The following SORD variants were observed in gnomAD, a reference collection of about 807,000 sequenced individuals.
The protein encoded by SORD is sorbitol dehydrogenase, also known as (R,R)-butanediol dehydrogenase.
SORD carries 18 observed loss-of-function variants against 35.6 expected under a neutral mutation model. The ratio of observed to expected loss-of-function variants is 0.51; its 90% confidence interval spans 0.35 to 0.75. The LOEUF is 0.75. SORD is among the 30% of genes least tolerant of loss of function. SORD has a pLI of 0.01. For missense variants in SORD, 250 were observed against 390.2 expected (o/e 0.64, Z 3.03); for synonymous variants, 106 against 152.9 (o/e 0.69, Z 2.26).
chr15:45,026,957 C>T (rs1386287849), intron 1 of SORD, among the ~76,000 whole-genome samples: 4 of 152,234 alleles, frequency 2.6e-5, no homozygotes, highest in African/African-American at 9.6e-5. Flanking sequence ...CTGCACCATT[C>T]TCTTCTTTCT....
intron 4 of SORD, among the ~76,000 whole-genome samples, chr15:45,061,765 A>C (rs1263476166): frequency 6.6e-6 from 1 of 152,028 alleles, no homozygotes; most frequent in Non-Finnish European, 1.5e-5. Context: ...GCTACTTGGG[A>C]GGCTGAGGCA....
intron 1 of SORD, among the ~76,000 whole-genome samples, chr15:45,037,880 G>A (rs1286872921): frequency 6.6e-6 from 1 of 151,500 alleles, no homozygotes; most frequent in Non-Finnish European, 1.5e-5. Flanking sequence ...GTGACAGGTT[G>A]ATAGGTGCAG....
intron 2 of SORD, among the ~76,000 whole-genome samples, chr15:45,042,057 A>C (rs1892974495): frequency 6.6e-6 from 1 of 152,196 alleles, no homozygotes; most frequent in South Asian, 2.1e-4. Flanking sequence ...TGCAGTGCAT[A>C]GCAGAGATTT....
intron 2 of SORD, among the ~76,000 whole-genome samples, chr15:45,042,777 A>G (rs1892989176): frequency 6.6e-6 from 1 of 151,448 alleles, no homozygotes; most frequent in Non-Finnish European, 1.5e-5. Flanking sequence ...AAACAAAACC[A>G]CTAAGATATA....
intron 1 of SORD, 55 bp downstream of exon 1, chr15:45,023,404 G>A: frequency 7.1e-7 from 1 of 1,414,620 alleles, no homozygotes; most frequent in Non-Finnish European, 9.4e-7. Flanking sequence ...TCTCCTCTGA[G>A]CCCAGCCATA....
chr15:45,053,149 G>A (rs1893156271), intron 3 of SORD, among the ~76,000 whole-genome samples: 1 of 152,116 alleles, frequency 6.6e-6, no homozygotes, highest in South Asian at 2.1e-4. Context: ...CTTGCCTGAG[G>A]TTGCCGCTGA....
Position 45,055,225 on chromosome 15 carries a change from A to T in SORD, c.266-5842A>T, listed in dbSNP as rs1234399116. Among the ~76,000 whole-genome samples the T allele has an allele frequency of 5.9e-5, 9 of 152,310 alleles. No homozygotes were observed. In the South Asian group the frequency reaches 1.5e-3, roughly 25 times the overall value. ...GATGGGGATGGCATTGAATCTATAA[A>T]TTACCTTGGGCAGTGCTAGCAAGAC... On this transcript the variant is annotated intron_variant, in intron 3 of 8. Coordinates refer to ENST00000267814, the MANE Select transcript of SORD (RefSeq NM_003104.6).
intron 1 of SORD, among the ~76,000 whole-genome samples, chr15:45,036,829 C>T: frequency 6.6e-6 from 1 of 152,128 alleles, no homozygotes; most frequent in East Asian, 1.9e-4. Context: ...AGTGAAAGTT[C>T]AGGATCTCAG....
intron 4 of SORD, among the ~76,000 whole-genome samples, chr15:45,061,837 C>T (rs146338560): frequency 5.5e-4 from 84 of 152,084 alleles, no homozygotes; most frequent in African/African-American, 2.0e-3. Context: ...CCACTGCACT[C>T]CAGCCTGGGC....
intron 1 of SORD, among the ~76,000 whole-genome samples, chr15:45,036,523 C>A (rs1892869718): frequency 6.6e-6 from 1 of 152,042 alleles, no homozygotes; most frequent in Non-Finnish European, 1.5e-5. Flanking sequence ...GAAACTCCGT[C>A]TCTACCAAAA....
intron 3 of SORD, among the ~76,000 whole-genome samples, chr15:45,045,494 C>T (rs977666592): frequency 1.0e-4 from 15 of 146,688 alleles, no homozygotes; most frequent in Admixed American, 2.7e-4. Flanking sequence ...GATTGTGCCA[C>T]TGCATGCCAG....
chr15:45,069,327 G>A (rs1440350797), intron 7 of SORD, among the ~76,000 whole-genome samples: 6 of 148,264 alleles, frequency 4.0e-5, no homozygotes, highest in Non-Finnish European at 7.4e-5. Flanking sequence ...CTGCCTCAGC[G>A]TCCCGAGTAG....
chr15:45,029,899 G>C (rs1892746420), intron 1 of SORD, among the ~76,000 whole-genome samples: 1 of 152,244 alleles, frequency 6.6e-6, no homozygotes, highest in African/African-American at 2.4e-5. Context: ...ACTGAGTCTG[G>C]GATCTTTATA....
At chr15:45,066,398 A>G (rs1893405362) in intron 5 of SORD, among the ~76,000 whole-genome samples, 1 of 151,644 alleles carries the variant, frequency 6.6e-6, no homozygotes, top group African/African-American at 2.4e-5. Context: ...TGCAACCTCC[A>G]CCTTAGAGAA....
chr15:45,037,324 T>C (rs1248982898), intron 1 of SORD, among the ~76,000 whole-genome samples: 29 of 152,358 alleles, frequency 1.9e-4, no homozygotes, highest in African/African-American at 2.9e-4. Flanking sequence ...TTAACTTGAA[T>C]AAATATTTAC....
intron 1 of SORD, among the ~76,000 whole-genome samples, chr15:45,027,815 T>C (rs578248397): frequency 6.6e-6 from 1 of 152,126 alleles, no homozygotes; most frequent in East Asian, 1.9e-4. Flanking sequence ...GTGGTGGGGG[T>C]GGTGGGAAGC....
intron 3 of SORD, among the ~76,000 whole-genome samples, chr15:45,054,957 G>C (rs1353085090): frequency 6.6e-6 from 1 of 152,110 alleles, no homozygotes; most frequent in African/African-American, 2.4e-5. Context: ...GATAGTTGTA[G>C]ATATGTGGCA....
At chr15:45,029,678 T>A (rs73421330) in intron 1 of SORD, among the ~76,000 whole-genome samples, 31,458 of 151,102 alleles carry the variant, frequency 0.21, 54 homozygotes, top group African/African-American at 0.45. Context: ...TCTGGGTACC[T>A]GTACTTGGTG....
chr15:45,026,846 G>C (rs1471950451), intron 1 of SORD, among the ~76,000 whole-genome samples: 2 of 151,584 alleles, frequency 1.3e-5, no homozygotes, highest in African/African-American at 4.9e-5. Context: ...CAGCGTCTGG[G>C]GCAGTGGTTC....
Sources: allele counts gnomAD v4.1 joint callset (sites outside exome capture counted in the v4.1 genomes callset), GRCh38; gene constraint gnomAD v4.1.1; transcripts MANE v1.5; gene names NCBI Gene and HGNC (gene_info 2026-07-23, HGNC 2026-07-21).